The following ARHGAP19 variants were observed in gnomAD, a reference collection of about 807,000 sequenced individuals.
ARHGAP19 encodes the protein Rho GTPase activating protein 19.
Under a neutral mutation model 60.9 loss-of-function variants are expected in ARHGAP19, and 48 were observed. That is an observed-to-expected ratio of 0.79 (90% CI 0.62 to 1.00). The LOEUF is 1.00. ARHGAP19 is among the 50% of genes least tolerant of loss of function. The pLI is 0.00. For missense variants in ARHGAP19, 562 were observed against 597.2 expected (o/e 0.94, Z 0.61); for synonymous variants, 209 against 215.5 (o/e 0.97, Z 0.27).
At chr10:97,289,495 T>C (rs1046906592) in intron 1 of ARHGAP19, among the ~76,000 whole-genome samples, 2 of 152,036 alleles carry the variant, frequency 1.3e-5, no homozygotes, top group African/African-American at 4.8e-5. Context: ...ATCATGTAAT[T>C]AACTAATACT....
chr10:97,232,416 GC>G (rs1457194743), intron 9 of ARHGAP19, among the ~76,000 whole-genome samples: 4 of 152,056 alleles, frequency 2.6e-5, no homozygotes, highest in African/African-American at 4.8e-5. Context: ...GCCCACCTCA[GC>G]CTCCCAAAGT....
chr10:97,283,766 GGGA>G (rs1475787783), intron 1 of ARHGAP19, among the ~76,000 whole-genome samples: 1 of 150,596 alleles, frequency 6.6e-6, no homozygotes, highest in African/African-American at 2.4e-5. Context: ...TTGCCAAGGT[GGGA>G]GGAGTACATG....
intron 1 of ARHGAP19, among the ~76,000 whole-genome samples, chr10:97,292,139 G>A (rs1165849605): frequency 6.6e-6 from 1 of 152,190 alleles, no homozygotes; most frequent in African/African-American, 2.4e-5. Context: ...CTGGCCCAAG[G>A]ACTCAACACT....
intron 1 of ARHGAP19, 116 bp from the exon 2 acceptor site, chr10:97,266,241 G>T: frequency 7.9e-7 from 1 of 1,260,008 alleles, no homozygotes; most frequent in Non-Finnish European, 1.1e-6. Flanking sequence ...CTTATAGTCA[G>T]CTTCCTTTAA....
chr10:97,246,008 G>C (rs775906348), intron 7 of ARHGAP19, among the ~76,000 whole-genome samples: 3 of 151,970 alleles, frequency 2.0e-5, no homozygotes, highest in African/African-American at 7.3e-5. Context: ...GCTCACTGTA[G>C]ACTTGAATTC....
At chr10:97,287,092 C>T (rs750645177) in intron 1 of ARHGAP19, among the ~76,000 whole-genome samples, 1 of 152,018 alleles carries the variant, frequency 6.6e-6, no homozygotes, top group African/African-American at 2.4e-5. Flanking sequence ...GGACCACAGG[C>T]GTGCATCACC....
At chr10:97,287,262 C>T (rs1843167769) in intron 1 of ARHGAP19, among the ~76,000 whole-genome samples, 1 of 152,076 alleles carries the variant, frequency 6.6e-6, no homozygotes, top group South Asian at 2.1e-4. Flanking sequence ...TGGATATTTT[C>T]TATTTGTGAT....
chr10:97,272,131 CTTT>C (rs35980234), intron 1 of ARHGAP19, among the ~76,000 whole-genome samples: 1 of 85,634 alleles, frequency 1.2e-5, no homozygotes, highest in Non-Finnish European at 2.0e-5. Context: ...GGAAATATGT[CTTT>C]TTTTTTTTTT....
Position 97,291,778 on chromosome 10 carries a change from T to C in ARHGAP19, c.56+794A>G, listed in dbSNP as rs185571765. Among the ~76,000 whole-genome samples the C allele has an allele frequency of 1.8e-4, 28 of 152,266 alleles. No homozygotes were observed. The East Asian group carries it at 2.3e-3, about 13-fold the overall frequency. On this transcript the variant is annotated intron_variant, in intron 1 of 11. Transcript: ENST00000358531. ...AGGCAACGTAAATAAACTCAATCTA[T>C]TGAATTACACCAAAAACAAAATTGT... is the stretch of plus-strand genomic sequence containing the variant.
At chr10:97,232,951 C>G (rs1851052512) in intron 9 of ARHGAP19, among the ~76,000 whole-genome samples, 1 of 151,998 alleles carries the variant, frequency 6.6e-6, no homozygotes, top group Non-Finnish European at 1.5e-5. Context: ...AGTTCAAGAC[C>G]AGGCTGGCCA....
At chr10:97,273,083 G>A (rs1253298) in intron 1 of ARHGAP19, among the ~76,000 whole-genome samples, 1 of 151,878 alleles carries the variant, frequency 6.6e-6, no homozygotes, top group Non-Finnish European at 1.5e-5. Flanking sequence ...CTTGTGATCC[G>A]CCCGCCTCGG....
At chr10:97,239,321 C>CAT (rs1842431254) in intron 8 of ARHGAP19, among the ~76,000 whole-genome samples, 2 of 151,960 alleles carry the variant, frequency 1.3e-5, no homozygotes, top group African/African-American at 4.8e-5. Context: ...GGTGAAACCC[C>CAT]GTCTCTACTA....
At chr10:97,232,154 ATTTTTTTTTTTTT>A (rs1170639718) in intron 9 of ARHGAP19, among the ~76,000 whole-genome samples, 3 of 56,302 alleles carry the variant, frequency 5.3e-5, no homozygotes. Flanking sequence ...TTTGCTCACT[ATTTTTTTTTTTTT>A]TTTTTTTTTT....
chr10:97,232,016 T>C (rs1258465359), intron 9 of ARHGAP19, among the ~76,000 whole-genome samples: 2 of 148,350 alleles, frequency 1.3e-5, no homozygotes, highest in Admixed American at 1.4e-4. Context: ...GTCATCCTAG[T>C]GGGTGTGAAG....
At chr10:97,282,794 C>T (rs1285218187) in intron 1 of ARHGAP19, among the ~76,000 whole-genome samples, 3 of 151,512 alleles carry the variant, frequency 2.0e-5, no homozygotes, top group African/African-American at 7.3e-5. Flanking sequence ...TAGTTTATAA[C>T]CTATTAAATG....
chr10:97,237,429 AC>A (rs1477130364), intron 8 of ARHGAP19, among the ~76,000 whole-genome samples: 2 of 152,160 alleles, frequency 1.3e-5, no homozygotes, highest in Non-Finnish European at 2.9e-5. Context: ...AATTCCTATC[AC>A]CTCATGATAT....
chr10:97,292,278 A>T (rs1843245971), intron 1 of ARHGAP19, among the ~76,000 whole-genome samples: 1 of 152,228 alleles, frequency 6.6e-6, no homozygotes, highest in Non-Finnish European at 1.5e-5. Context: ...CCTCGCCATC[A>T]AGAGGTGTCT....
At chr10:97,249,429 T>G (rs1842609781) in intron 6 of ARHGAP19, among the ~76,000 whole-genome samples, 1 of 152,212 alleles carries the variant, frequency 6.6e-6, no homozygotes. Flanking sequence ...TGAAGTATCT[T>G]TGCCAAAAAT....
At chr10:97,232,238 A>G (rs1219248945) in intron 9 of ARHGAP19, among the ~76,000 whole-genome samples, 3 of 134,462 alleles carry the variant, frequency 2.2e-5, no homozygotes, top group African/African-American at 5.8e-5. Flanking sequence ...ATCTCGGCTC[A>G]CTGCAACCTC....
Sources: allele counts gnomAD v4.1 joint callset (sites outside exome capture counted in the v4.1 genomes callset), GRCh38; gene constraint gnomAD v4.1.1; transcripts MANE v1.5; gene names NCBI Gene and HGNC (gene_info 2026-07-23, HGNC 2026-07-21).